SARDH: variants seen among roughly 807,000 people sequenced by gnomAD.
The protein encoded by SARDH is sarcosine dehydrogenase, mitochondrial.
Under a neutral mutation model 109.1 loss-of-function variants are expected in SARDH, and 95 were observed. That is an observed-to-expected ratio of 0.87 (90% CI 0.74 to 1.03). The LOEUF is 1.03. Ranked by LOEUF, SARDH falls within the 50% of genes least tolerant of loss-of-function variation. The pLI, the probability that SARDH is intolerant of heterozygous loss-of-function variation, is 0.00. For synonymous variants in SARDH, 572 were observed against 534.8 expected, an observed-to-expected ratio of 1.07 and a Z score of -0.96; for missense variants, 1,267 against 1,287.8, an observed-to-expected ratio of 0.98 and a Z score of 0.25.
intron 16 of SARDH, among the ~76,000 whole-genome samples, chr9:133,688,367 A>C: frequency 1.8e-5 from 2 of 109,846 alleles, no homozygotes; most frequent in Non-Finnish European, 1.9e-5. Flanking sequence ...CACCCCATCC[A>C]CTGTCGGGTG....
Position 133,663,811 on chromosome 9 carries a change from A to T in SARDH, c.*78T>A. ...GAGGGCACAAGTTCTGGCTGGGTCC[A>T]GGGTCCTGGGACCCAGGGCCATTTG... On this transcript the variant is annotated 3_prime_UTR_variant, in exon 21 of 21. Coordinates refer to ENST00000439388, the MANE Select transcript of SARDH (RefSeq NM_001134707.2). 1 of 1,577,676 alleles carries T rather than the reference A, an allele frequency of 6.3e-7. No homozygotes were observed. Among genetic ancestry groups the T allele is most frequent in the Non-Finnish European group, 8.6e-7 (1 of 1,157,066 alleles).
chr9:133,684,648 G>A (rs1324611277), intron 17 of SARDH, among the ~76,000 whole-genome samples: 1 of 152,174 alleles, frequency 6.6e-6, no homozygotes, highest in Non-Finnish European at 1.5e-5. Flanking sequence ...ATCTCAGAAG[G>A]GACGGGCTCT....
intron 5 of SARDH, 64 bp downstream of exon 5, chr9:133,730,000 T>C (rs1832619597): frequency 1.9e-6 from 3 of 1,603,128 alleles, no homozygotes; most frequent in South Asian, 2.2e-5. Flanking sequence ...CCTGCAGAGG[T>C]GGGAGCAGGT....
intron 6 of SARDH, among the ~76,000 whole-genome samples, chr9:133,721,810 A>G (rs1832335508): frequency 6.6e-6 from 1 of 152,234 alleles, no homozygotes; most frequent in African/African-American, 2.4e-5. Context: ...AGCAATATAT[A>G]AGAGAGATGA....
chr9:133,667,313 C>T (rs1315723561), intron 19 of SARDH, among the ~76,000 whole-genome samples: 1 of 151,194 alleles, frequency 6.6e-6, no homozygotes, highest in Non-Finnish European at 1.5e-5. Context: ...ATTACAGGCA[C>T]CCACCACCAT....
chr9:133,684,804 G>A (rs527248979), intron 17 of SARDH, among the ~76,000 whole-genome samples: 46 of 152,336 alleles, frequency 3.0e-4, no homozygotes, highest in African/African-American at 1.1e-3. Flanking sequence ...TCCGGAGCCA[G>A]CTACTGCTCA....
In SARDH at chr9:133,666,602, CCCT is replaced by C. The variant is rs1183948061; in HGVS notation, c.2631+130_2631+132del. ...TCTTCCCTCCTCCCTCCTTTCTCTT[CCCT>C]CCTCCTCTTCTGGACCACACCCGTG... On this transcript the variant is annotated intron_variant, in intron 20 of 20. Transcript: ENST00000439388. This position sits in a 1 kb window ranked among gnomAD's most constrained non-coding sequence, Gnocchi z 5.2. 7 of 1,152,386 alleles carry C rather than the reference CCCT, an allele frequency of 6.1e-6. No individual in the cohort carries two copies. The African/African-American group carries it at 6.2e-5, about 10-fold the overall frequency. The allele number at this position is 1,152,386 out of a possible 1,614,324, so 71.4% of individuals were successfully genotyped here. A position where few individuals can be genotyped will look rare whatever the true frequency, so the allele number is the denominator to read the frequency against.
At chr9:133,673,100 G>A (rs1472298818) in intron 17 of SARDH, among the ~76,000 whole-genome samples, 2 of 152,240 alleles carry the variant, frequency 1.3e-5, no homozygotes, top group African/African-American at 2.4e-5. Context: ...ACCCTGCTCC[G>A]CTGAGGACAG....
In SARDH at chr9:133,734,197, C is replaced by T; in HGVS notation, c.-24G>A. The T allele has an allele frequency of 6.6e-7, 1 of 1,518,502 alleles. No individual in the cohort carries two copies. The allele number at this position is 1,518,502 out of a possible 1,614,324, so 94.1% of individuals were successfully genotyped here. On this transcript the variant is annotated 5_prime_UTR_variant, in exon 2 of 21. Coordinates refer to ENST00000439388, the MANE Select transcript of SARDH (RefSeq NM_001134707.2). ...ATGGGGGCTCCAGGCCTCAGCGAAA[C>T]AGGGAGCTGGGGAGAGAATCAGAGC...
At chr9:133,725,327 T>C in intron 6 of SARDH, 1 of 213,830 alleles carries the variant, frequency 4.7e-6, no homozygotes, top group Non-Finnish European at 9.6e-6. Flanking sequence ...AAACTGTTAA[T>C]AACTCCAAGA....
chr9:133,717,515 G>A, intron 7 of SARDH, 60 bp from the exon 8 acceptor site: 2 of 1,599,102 alleles, frequency 1.3e-6, no homozygotes, highest in Non-Finnish European at 1.7e-6. Context: ...GCATCCCCAT[G>A]CCAAACCTGC....
intron 3 of SARDH, among the ~76,000 whole-genome samples, chr9:133,731,901 T>C (rs987185167): frequency 2.6e-5 from 4 of 151,582 alleles, no homozygotes; most frequent in African/African-American, 9.8e-5. Context: ...TCAGACCAGC[T>C]GTCAAGAGAG....
At chr9:133,734,408 C>CTCAT (rs796631133) in intron 1 of SARDH, among the ~76,000 whole-genome samples, 56 of 110,612 alleles carry the variant, frequency 5.1e-4, no homozygotes, top group Middle Eastern at 4.5e-3. Flanking sequence ...CATTCATTCA[C>CTCAT]TCATTCATTC....
intron 16 of SARDH, 21 bp from the exon 17 acceptor site, chr9:133,685,307 G>A (rs769244988): frequency 4.8e-5 from 77 of 1,607,970 alleles, no homozygotes; most frequent in South Asian, 4.3e-4. Flanking sequence ...GAGCAAAGTC[G>A]CTCAGTCAGC....
intron 20 of SARDH, among the ~76,000 whole-genome samples, chr9:133,665,086 C>A (rs879603198): frequency 0.029 from 4,487 of 152,244 alleles, 112 homozygotes; most frequent in South Asian, 0.11. Context: ...GTGACTGTAG[C>A]ATTTGCCCAT....
At chr9:133,698,694 A>G (rs1057229706) in intron 13 of SARDH, among the ~76,000 whole-genome samples, 1 of 152,202 alleles carries the variant, frequency 6.6e-6, no homozygotes, top group African/African-American at 2.4e-5. Context: ...CTTTTCAACA[A>G]CTGGTGCTGG....
chr9:133,707,078 C>T (rs1269175662), intron 11 of SARDH, among the ~76,000 whole-genome samples: 2 of 152,176 alleles, frequency 1.3e-5, no homozygotes, highest in Non-Finnish European at 2.9e-5. Context: ...AGGGCAGGCT[C>T]CCCTCTTTAT....
At chr9:133,670,824 G>T in intron 18 of SARDH, 72 bp from the exon 19 acceptor site, 1 of 1,465,330 alleles carries the variant, frequency 6.8e-7, no homozygotes, top group South Asian at 1.4e-5. Context: ...GCATGAGGAT[G>T]CTGCCTAAAC....
chr9:133,722,670 TC>T (rs1481243608), intron 6 of SARDH, among the ~76,000 whole-genome samples: 2 of 151,640 alleles, frequency 1.3e-5, no homozygotes, highest in African/African-American at 4.8e-5. Context: ...TCTCTCTCTC[TC>T]TCTCTCTTTC....
Sources: allele counts gnomAD v4.1 joint callset (sites outside exome capture counted in the v4.1 genomes callset), GRCh38; gene constraint gnomAD v4.1.1; non-coding constraint Gnocchi (gnomAD v3.1); transcripts MANE v1.5; gene names NCBI Gene and HGNC (gene_info 2026-07-23, HGNC 2026-07-21).